PLEKHA7: variants seen among roughly 807,000 people sequenced by gnomAD.
The protein encoded by PLEKHA7 is pleckstrin homology domain containing A7, also known as pleckstrin homology domain-containing family A member 7.
Under a neutral mutation model 170.0 loss-of-function variants are expected in PLEKHA7, and 104 were observed. The ratio of observed to expected loss-of-function variants is 0.61; its 90% CI spans 0.52 to 0.72. The LOEUF is 0.72. PLEKHA7 is among the 30% of genes least tolerant of loss of function. PLEKHA7 has a pLI of 0.00. For synonymous variants in PLEKHA7, 648 were observed against 660.8 expected (o/e 0.98, Z 0.30); for missense variants, 1,615 against 1,671.7 (o/e 0.97, Z 0.59).
At chr11:16,984,885 A>G (rs1863635699) in intron 3 of PLEKHA7, among the ~76,000 whole-genome samples, 1 of 152,212 alleles carries the variant, frequency 6.6e-6, no homozygotes, top group South Asian at 2.1e-4. Context: ...TACTGACTAT[A>G]GATGTGGAAA....
intron 15 of PLEKHA7, 48 bp downstream of exon 15, chr11:16,802,924 C>A: frequency 6.9e-7 from 1 of 1,457,330 alleles, no homozygotes; most frequent in Admixed American, 1.7e-5. Context: ...AAAGACAGGA[C>A]AAAATGTCCC....
chr11:16,841,837 A>T, intron 8 of PLEKHA7, 115 bp from the exon 9 acceptor site: 1 of 1,041,182 alleles, frequency 9.6e-7, no homozygotes, highest in Non-Finnish European at 1.4e-6. Flanking sequence ...AGCACCACCC[A>T]ACTTGTTTCC....
chr11:16,882,404 C>T (rs1242115487), intron 3 of PLEKHA7, among the ~76,000 whole-genome samples: 1 of 152,126 alleles, frequency 6.6e-6, no homozygotes, highest in Non-Finnish European at 1.5e-5. Context: ...CCAGGAAGAG[C>T]CCTACCAATG....
At chr11:16,992,538 T>C (rs1392638374) in intron 3 of PLEKHA7, among the ~76,000 whole-genome samples, 1 of 152,162 alleles carries the variant, frequency 6.6e-6, no homozygotes, top group East Asian at 1.9e-4. Context: ...GGAGGATCAC[T>C]TGAGGTCAGC....
chr11:16,974,479 C>A (rs1415654616), intron 3 of PLEKHA7, among the ~76,000 whole-genome samples: 1 of 152,082 alleles, frequency 6.6e-6, no homozygotes, highest in Non-Finnish European at 1.5e-5. Context: ...CCATGCTAAT[C>A]TTCTTGTTCA....
Position 16,822,796 on chromosome 11 carries a change from G to A in PLEKHA7, c.1343+3324C>T, listed in dbSNP as rs79826624. ...AGATCACTGGGGGAAGAGGGATAGG[G>A]GAAAATGTGCTTCCTAAAACCCTTA... On this transcript the variant is annotated intron_variant, in intron 10 of 26. Transcript: ENST00000531066. Among the ~76,000 whole-genome samples the A allele has an allele frequency of 4.1e-3, 627 of 152,180 alleles. 1 individual carries two copies. The highest frequency in any genetic ancestry group is 0.013 in the African/African-American group (554 of 41,490).
chr11:16,825,951 T>A (rs1004301810), intron 10 of PLEKHA7, among the ~76,000 whole-genome samples, 169 bp downstream of exon 10: 1 of 152,066 alleles, frequency 6.6e-6, no homozygotes, highest in Non-Finnish European at 1.5e-5. Context: ...TTTCTGTCTA[T>A]AAGTTAGGAA....
chr11:16,807,495 G>A (rs1222415150), intron 13 of PLEKHA7, among the ~76,000 whole-genome samples: 1 of 152,162 alleles, frequency 6.6e-6, no homozygotes, highest in African/African-American at 2.4e-5. Flanking sequence ...TGCACAGGCT[G>A]GTTTTTGTGG....
chr11:16,881,103 T>A (rs1424796678), intron 3 of PLEKHA7, among the ~76,000 whole-genome samples: 2 of 152,340 alleles, frequency 1.3e-5, no homozygotes, highest in African/African-American at 4.8e-5. Flanking sequence ...CCAATTACAT[T>A]GGATGGTGGT....
At chr11:16,910,812 T>G (rs1858194108) in intron 3 of PLEKHA7, among the ~76,000 whole-genome samples, 1 of 152,222 alleles carries the variant, frequency 6.6e-6, no homozygotes, top group South Asian at 2.1e-4. Context: ...AGCAGAAAGA[T>G]GGACTACACT....
chr11:16,912,382 CAAAG>C, intron 3 of PLEKHA7, among the ~76,000 whole-genome samples: 1 of 152,168 alleles, frequency 6.6e-6, no homozygotes, highest in Non-Finnish European at 1.5e-5. Flanking sequence ...CATTCAGCAC[CAAAG>C]AGAATTTGGT....
intron 23 of PLEKHA7, chr11:16,788,611 T>C (rs983183535): frequency 1.1e-5 from 2 of 180,954 alleles, no homozygotes; most frequent in Admixed American, 1.1e-4. Context: ...CTGAGGCCTC[T>C]GCACTGCAAG....
rs150831474 is a variant in PLEKHA7 at position 16,828,226 on chromosome 11, G to A, written c.873-1636C>T. On this transcript the variant is annotated intron_variant, in intron 9 of 26. Transcript: ENST00000531066. ...TGTCGTGGGAAGGACCTGGTGGGAG[G>A]AAATTGAATCATGAGGTAGGTTACC... Among the ~76,000 whole-genome samples the A allele has an allele frequency of 9.2e-4, 140 of 152,304 alleles. 1 individual carries two copies. The highest frequency in any genetic ancestry group is 3.2e-3 in the African/African-American group (134 of 41,564).
chr11:16,814,100 G>C (rs575954165), intron 12 of PLEKHA7, among the ~76,000 whole-genome samples: 22 of 152,324 alleles, frequency 1.4e-4, no homozygotes, highest in Non-Finnish European at 2.4e-4. Context: ...AGTTGAGGCA[G>C]GGCTCTTATG....
chr11:17,010,245 A>T (rs1290255199), intron 3 of PLEKHA7, among the ~76,000 whole-genome samples: 5 of 152,000 alleles, frequency 3.3e-5, no homozygotes, highest in Admixed American at 3.3e-4. Context: ...AAAATTAGCC[A>T]GTCATGGTTG....
chr11:16,969,193 T>C (rs527684388), intron 3 of PLEKHA7, among the ~76,000 whole-genome samples: 1 of 152,120 alleles, frequency 6.6e-6, no homozygotes, highest in Admixed American at 6.5e-5. Flanking sequence ...AGTTGCATCA[T>C]ATCACCTGAC....
intron 3 of PLEKHA7, among the ~76,000 whole-genome samples, chr11:16,903,778 A>C (rs1857486066): frequency 6.6e-6 from 1 of 152,254 alleles, no homozygotes; most frequent in African/African-American, 2.4e-5. Flanking sequence ...ATTCAATTCC[A>C]AAAGACATAA....
intron 16 of PLEKHA7, among the ~76,000 whole-genome samples, 189 bp from the exon 17 acceptor site, chr11:16,801,264 T>C (rs1848579484): frequency 6.6e-6 from 1 of 152,186 alleles, no homozygotes; most frequent in African/African-American, 2.4e-5. Flanking sequence ...CTGACCCTGG[T>C]CACCTGCACT....
At chr11:16,803,434 C>T in intron 13 of PLEKHA7, 139 bp from the exon 14 acceptor site, 1 of 834,442 alleles carries the variant, frequency 1.2e-6, no homozygotes, top group Non-Finnish European at 1.9e-6. Flanking sequence ...GGGACAAAAA[C>T]TTGGGCCATA....
Sources: allele counts gnomAD v4.1 joint callset (sites outside exome capture counted in the v4.1 genomes callset), GRCh38; gene constraint gnomAD v4.1.1; transcripts MANE v1.5; gene names NCBI Gene and HGNC (gene_info 2026-07-23, HGNC 2026-07-21).